Variants in GPR176 observed in about 807,000 individuals in gnomAD.
The protein encoded by GPR176 is G protein-coupled receptor 176, also known as G-protein coupled receptor 176.
GPR176 carries 26 observed loss-of-function variants against 35.4 expected under a neutral mutation model. The ratio of observed to expected loss-of-function variants is 0.74; its 90% CI spans 0.54 to 1.02. GPR176 has a LOEUF of 1.02. Ranked by LOEUF, GPR176 falls within the 50% of genes least tolerant of loss-of-function variation. The pLI is 0.00. For synonymous variants in GPR176, 278 were observed against 271.3 expected, an observed-to-expected ratio of 1.02 and a Z score of -0.24; for missense variants, 597 against 665.3, an observed-to-expected ratio of 0.90 and a Z score of 1.13.
intron 1 of GPR176, chr15:39,813,749 TG>T (rs1264167341): frequency 2.6e-5 from 4 of 152,176 alleles, no homozygotes; most frequent in African/African-American, 9.7e-5. Flanking sequence ...AGTGCCTTCA[TG>T]GTCATGCCCT....
intron 1 of GPR176, among the ~76,000 whole-genome samples, chr15:39,893,710 G>A (rs1230388041): frequency 6.6e-6 from 1 of 151,028 alleles, no homozygotes; most frequent in Non-Finnish European, 1.5e-5. Context: ...CCTCCCGGGC[G>A]GGGCGGCTGG....
chr15:39,820,569 G>C (rs576885500), intron 1 of GPR176, among the ~76,000 whole-genome samples: 6 of 152,304 alleles, frequency 3.9e-5, no homozygotes, highest in Admixed American at 2.6e-4. Flanking sequence ...TATGATTCTA[G>C]ACCCAGAATA....
At chr15:39,866,685 T>C (rs2031844200) in intron 1 of GPR176, among the ~76,000 whole-genome samples, 1 of 152,240 alleles carries the variant, frequency 6.6e-6, no homozygotes, top group Non-Finnish European at 1.5e-5. Context: ...TAATTCTTAC[T>C]TTGAAAAATA....
At chr15:39,813,046 T>G (rs940689729) in intron 1 of GPR176, among the ~76,000 whole-genome samples, 7 of 152,196 alleles carry the variant, frequency 4.6e-5, no homozygotes, top group African/African-American at 1.4e-4. Context: ...TCTTCTCAGC[T>G]TTTTAAACTG....
chr15:39,853,700 A>C (rs1206991650), intron 1 of GPR176, among the ~76,000 whole-genome samples: 1 of 152,158 alleles, frequency 6.6e-6, no homozygotes, highest in Admixed American at 6.5e-5. Flanking sequence ...TTTGGTTGTC[A>C]TAGCTGGGAG....
chr15:39,893,760 G>A lies in GPR176; in HGVS notation c.172+26095C>T, dbSNP rs577539092. On this transcript the variant is annotated intron_variant, in intron 1 of 2. Transcript: ENST00000561100. ...GACCCCCCCACCTCCCTCCCGGGCG[G>A]GGCGGCTGGCCAGGCGGGGGCTGAC... 4.5e-4 allele frequency among the ~76,000 whole-genome samples: 65 copies of A among 145,898 alleles called. 1 individual carries two copies. The East Asian group carries it at 0.012, about 28-fold the overall frequency.
chr15:39,877,550 CTTTT>C (rs56071903), intron 1 of GPR176, among the ~76,000 whole-genome samples: 15 of 131,624 alleles, frequency 1.1e-4, no homozygotes, highest in Admixed American at 1.5e-4. Flanking sequence ...TCTTCTTCTT[CTTTT>C]TTTTTTTTTT....
Position 39,801,029 on chromosome 15 carries a change from C to A in GPR176, c.*103G>T, listed in dbSNP as rs1015819001. 2 of 958,764 alleles carry A rather than the reference C, an allele frequency of 2.1e-6. No individual in the cohort carries two copies. The highest frequency in any genetic ancestry group is 3.3e-5 in the African/African-American group (2 of 61,322). 59.4% of individuals were successfully genotyped at this position (958,764 alleles called of 1,614,324 possible). ...GGCCCATATTGGAGGAATCAACTCACACTGAGTTGCAAGGAGATCATACAA... is the reference window on the plus strand; with the variant it reads ...GGCCCATATTGGAGGAATCAACTCAAACTGAGTTGCAAGGAGATCATACAA... On this transcript the variant is annotated 3_prime_UTR_variant, in exon 3 of 3. Transcript: ENST00000561100.
At chr15:39,855,328 C>T (rs532242140) in intron 1 of GPR176, among the ~76,000 whole-genome samples, 1 of 152,314 alleles carries the variant, frequency 6.6e-6, no homozygotes, top group African/African-American at 2.4e-5. Flanking sequence ...TCCCCAATTT[C>T]GTCTTGTGTG....
chr15:39,906,120 A>G (rs1294369672), intron 1 of GPR176, among the ~76,000 whole-genome samples: 1 of 152,284 alleles, frequency 6.6e-6, no homozygotes, highest in African/African-American at 2.4e-5. Flanking sequence ...AGTGACGACC[A>G]GCCTTTATTA....
intron 1 of GPR176, among the ~76,000 whole-genome samples, chr15:39,864,932 G>GA (rs529480544): frequency 0.017 from 1,737 of 102,654 alleles, 16 homozygotes; most frequent in Middle Eastern, 0.022. Flanking sequence ...CAGGCATGTG[G>GA]AAAAAAAAAA....
intron 1 of GPR176, among the ~76,000 whole-genome samples, chr15:39,847,834 T>C (rs142507873): frequency 6.7e-6 from 1 of 148,644 alleles, no homozygotes; most frequent in East Asian, 2.1e-4. Flanking sequence ...TATAAAGAAC[T>C]ACCCAAGACT....
chr15:39,824,211 G>A (rs1299329475), intron 1 of GPR176, among the ~76,000 whole-genome samples: 1 of 152,218 alleles, frequency 6.6e-6, no homozygotes, highest in Admixed American at 6.5e-5. Flanking sequence ...CAAGCTTCCT[G>A]AGGCCAGAAG....
intron 1 of GPR176, among the ~76,000 whole-genome samples, chr15:39,916,665 TAAAG>T (rs887779456): frequency 2.6e-5 from 4 of 152,110 alleles, no homozygotes; most frequent in South Asian, 2.1e-4. Flanking sequence ...GAGAAAAAAA[TAAAG>T]AAAAACGAAT....
At chr15:39,821,579 T>C (rs1231978773) in intron 1 of GPR176, among the ~76,000 whole-genome samples, 1 of 152,202 alleles carries the variant, frequency 6.6e-6, no homozygotes, top group Non-Finnish European at 1.5e-5. Context: ...TGAGCATATA[T>C]GCAAAGATCA....
intron 1 of GPR176, among the ~76,000 whole-genome samples, chr15:39,842,201 T>C (rs1269646342): frequency 1.3e-5 from 2 of 152,080 alleles, no homozygotes; most frequent in South Asian, 2.1e-4. Flanking sequence ...ATAGGAGGCA[T>C]GGCTGGAGAG....
intron 1 of GPR176, among the ~76,000 whole-genome samples, chr15:39,902,703 A>G (rs1157004590): frequency 6.6e-6 from 1 of 152,242 alleles, no homozygotes; most frequent in African/African-American, 2.4e-5. Context: ...TTGACTTCAG[A>G]GAGTTATTCT....
chr15:39,901,507 T>A (rs1363316796), intron 1 of GPR176, among the ~76,000 whole-genome samples: 1 of 152,174 alleles, frequency 6.6e-6, no homozygotes, highest in Non-Finnish European at 1.5e-5. Context: ...TTCTACTTCT[T>A]CTCTGTCCCA....
At chr15:39,861,125 T>C (rs761596365) in intron 1 of GPR176, among the ~76,000 whole-genome samples, 41 of 152,120 alleles carry the variant, frequency 2.7e-4, no homozygotes, top group Non-Finnish European at 3.7e-4. Context: ...ACCCTACTTA[T>C]CTAAGAGAAA....
Sources: gnomAD v4.1 joint callset for allele counts (sites outside exome capture counted in the v4.1 genomes callset) on GRCh38, gnomAD v4.1.1 for gene constraint, MANE v1.5 for transcripts, NCBI Gene and HGNC (gene_info 2026-07-23, HGNC 2026-07-21) for gene names.